PAPPA2: variants seen among roughly 807,000 people sequenced by gnomAD.
PAPPA2 encodes the protein pappalysin 2.
A neutral mutation model predicts 176.4 loss-of-function variants in PAPPA2; 86 were observed. The ratio of observed to expected loss-of-function variants is 0.49; its 90% CI spans 0.41 to 0.58. The LOEUF is 0.58. Ranked by LOEUF, PAPPA2 falls within the 20% of genes least tolerant of loss-of-function variation. The probability of loss-of-function intolerance (pLI) is 0.00; values close to 1 mark genes in which losing one functional copy is unlikely to be tolerated. For missense variants in PAPPA2, 2,073 were observed against 2,256.9 expected (o/e 0.92, Z 1.65); for synonymous variants, 809 against 852.2 (o/e 0.95, Z 0.88).
At chr1:176,579,871 G>C (rs1652862780) in intron 2 of PAPPA2, among the ~76,000 whole-genome samples, 1 of 152,092 alleles carries the variant, frequency 6.6e-6, no homozygotes, top group Non-Finnish European at 1.5e-5. Context: ...GCAGCATTTA[G>C]AGCAGCAGAC....
At chr1:176,781,152 G>A (rs541167608) in intron 17 of PAPPA2, among the ~76,000 whole-genome samples, 1 of 152,148 alleles carries the variant, frequency 6.6e-6, no homozygotes, top group East Asian at 1.9e-4. Context: ...AAATGGAGAA[G>A]GGGCCCCAAA....
chr1:176,830,928 T>C (rs1667058434), intron 21 of PAPPA2, among the ~76,000 whole-genome samples: 1 of 152,158 alleles, frequency 6.6e-6, no homozygotes, highest in Non-Finnish European at 1.5e-5. Context: ...GGAGGAAGGA[T>C]GACAGTGTCA....
chr1:176,683,278 C>T (rs1278351492), intron 4 of PAPPA2, among the ~76,000 whole-genome samples: 1 of 152,054 alleles, frequency 6.6e-6, no homozygotes, highest in Non-Finnish European at 1.5e-5. Context: ...TTTGGCTTGT[C>T]TTTTGTAATC....
intron 1 of PAPPA2, among the ~76,000 whole-genome samples, chr1:176,495,138 A>G (rs1647526371): frequency 6.6e-6 from 1 of 152,228 alleles, no homozygotes; most frequent in Non-Finnish European, 1.5e-5. Flanking sequence ...GATGATGATA[A>G]TAATAGTTCA....
At chr1:176,476,358 C>G (rs1330452413) in intron 1 of PAPPA2, among the ~76,000 whole-genome samples, 1 of 152,172 alleles carries the variant, frequency 6.6e-6, no homozygotes, top group Non-Finnish European at 1.5e-5. Flanking sequence ...TTATGGTTCA[C>G]TAAATATACT....
At chr1:176,672,192 TA>T (rs1419743800) in intron 4 of PAPPA2, among the ~76,000 whole-genome samples, 1 of 151,996 alleles carries the variant, frequency 6.6e-6, no homozygotes, top group Non-Finnish European at 1.5e-5. Flanking sequence ...AACATATGGA[TA>T]AAGAGTAATT....
chr1:176,844,259 G>T lies in PAPPA2; in HGVS notation c.*1805G>T, dbSNP rs1387786546. 6.6e-6 allele frequency: 1 copy of T among 152,096 alleles called. No individual in the cohort carries two copies. The highest frequency in any genetic ancestry group is 2.4e-5 in the African/African-American group (1 of 41,414). The allele number at this position is 152,096 out of a possible 1,614,324, so 9.4% of individuals were successfully genotyped here. A position where few individuals can be genotyped will look rare whatever the true frequency, so the allele number is the denominator to read the frequency against. On this transcript the variant is annotated 3_prime_UTR_variant, in exon 23 of 23. Coordinates refer to ENST00000367662, the MANE Select transcript of PAPPA2 (RefSeq NM_020318.3). ...CAGCTGTGGTCTCTTCTCATCTTCT[G>T]CTCTTTTGCTTTGACCACAGTTTTT...
intron 21 of PAPPA2, among the ~76,000 whole-genome samples, chr1:176,809,016 G>T (rs940299714): frequency 1.3e-5 from 2 of 152,138 alleles, no homozygotes; most frequent in African/African-American, 4.8e-5. Context: ...TATCCTAAAA[G>T]TGTTAAACTT....
Position 176,654,567 on chromosome 1 carries a change from G to A in PAPPA2, c.1992-16403G>A, listed in dbSNP as rs556904744. ...TCTTAGGACTGCTTTGGCTGTTCAA[G>A]CTGTTTTTTCCATATGAATTTTAGG... On this transcript the variant is annotated intron_variant, in intron 3 of 22. Transcript: ENST00000367662. Among the ~76,000 whole-genome samples the A allele has an allele frequency of 1.5e-4, 23 of 150,952 alleles. No individual in the cohort carries two copies. The South Asian group carries it at 4.4e-3, about 29-fold the overall frequency.
In PAPPA2 at chr1:176,810,882, G is replaced by A. The variant is rs1666119070; in HGVS notation, c.5202+10750G>A. 3.3e-5 allele frequency among the ~76,000 whole-genome samples: 5 copies of A among 152,126 alleles called. No homozygotes were observed. In the South Asian group the frequency reaches 1.0e-3, roughly 32 times the overall value. On this transcript the variant is annotated intron_variant, in intron 21 of 22. Transcript: ENST00000367662. ...TAGCAGAAGAATGACAGTTTTGAGG[G>A]ACTTGAAGAATACATCAACACTAAG...
intron 2 of PAPPA2, among the ~76,000 whole-genome samples, chr1:176,590,300 C>T (rs1368581167): frequency 6.6e-6 from 1 of 152,126 alleles, no homozygotes; most frequent in Admixed American, 6.6e-5. Context: ...GCCAATTGTA[C>T]CCATCTCTTC....
At chr1:176,750,958 G>A (rs1476072102) in intron 14 of PAPPA2, among the ~76,000 whole-genome samples, 3 of 152,010 alleles carry the variant, frequency 2.0e-5, no homozygotes, top group Non-Finnish European at 1.5e-5. Context: ...TTCTTCTAGG[G>A]TTTTTATGGT....
At chr1:176,473,654 G>T (rs932179862) in intron 1 of PAPPA2, among the ~76,000 whole-genome samples, 3 of 152,156 alleles carry the variant, frequency 2.0e-5, no homozygotes, top group Non-Finnish European at 4.4e-5. Context: ...TACCATCAGT[G>T]AGTGAGTGCC....
chr1:176,820,598 T>C (rs753412714), intron 21 of PAPPA2, among the ~76,000 whole-genome samples: 1 of 152,198 alleles, frequency 6.6e-6, no homozygotes, highest in Non-Finnish European at 1.5e-5. Flanking sequence ...GCCAGCCACA[T>C]GTCATGCATG....
At chr1:176,513,388 C>CT (rs1648733103) in intron 1 of PAPPA2, among the ~76,000 whole-genome samples, 1 of 151,994 alleles carries the variant, frequency 6.6e-6, no homozygotes, top group South Asian at 2.1e-4. Context: ...AAGCACAAAG[C>CT]TTTTTCCTAT....
chr1:176,750,681 A>C (rs962917503), intron 14 of PAPPA2, among the ~76,000 whole-genome samples: 13 of 152,206 alleles, frequency 8.5e-5, no homozygotes, highest in African/African-American at 2.9e-4. Context: ...TATTAAATGT[A>C]TTATATACTG....
intron 17 of PAPPA2, among the ~76,000 whole-genome samples, chr1:176,774,146 T>C (rs543927569): frequency 6.6e-5 from 10 of 152,214 alleles, no homozygotes; most frequent in Non-Finnish European, 1.3e-4. Flanking sequence ...ACCCTTGATT[T>C]CCTTTTCTAG....
intron 1 of PAPPA2, among the ~76,000 whole-genome samples, chr1:176,493,284 C>G (rs1399678627): frequency 6.6e-6 from 1 of 152,212 alleles, no homozygotes; most frequent in East Asian, 1.9e-4. Context: ...CAATCACTTT[C>G]AACCCCTGAT....
At chr1:176,517,548 T>A (rs1400899320) in intron 1 of PAPPA2, among the ~76,000 whole-genome samples, 1 of 152,122 alleles carries the variant, frequency 6.6e-6, no homozygotes, top group Non-Finnish European at 1.5e-5. Context: ...AGGAGGTGTT[T>A]AGGGAAGGCA....
Sources: gnomAD v4.1 joint callset for allele counts (sites outside exome capture counted in the v4.1 genomes callset) on GRCh38, gnomAD v4.1.1 for gene constraint, MANE v1.5 for transcripts, NCBI Gene and HGNC (gene_info 2026-07-23, HGNC 2026-07-21) for gene names.